Variants in PCNT observed in about 807,000 individuals in gnomAD.
PCNT encodes the protein kendrin.
In PCNT, 319 loss-of-function variants were observed where a neutral mutation model predicts 380.4. The ratio of observed to expected loss-of-function variants is 0.84; its 90% CI spans 0.77 to 0.92. The LOEUF is 0.92. Among genes scored for constraint, PCNT ranks in the 40% least tolerant of loss-of-function variants. PCNT has a pLI of 0.00. For synonymous variants in PCNT, 1,845 were observed against 1,735.2 expected, an observed-to-expected ratio of 1.06 and a Z score of -1.57; for missense variants, 4,400 against 4,255.3, an observed-to-expected ratio of 1.03 and a Z score of -0.95.
At chr21:46,369,643 A>G (rs1357855961) in intron 15 of PCNT, among the ~76,000 whole-genome samples, 1 of 152,280 alleles carries the variant, frequency 6.6e-6, no homozygotes, top group Non-Finnish European at 1.5e-5. Flanking sequence ...AGGAACTTGC[A>G]TATCACACAT....
In PCNT at chr21:46,388,812, C is replaced by T. The variant is rs766579247; in HGVS notation, c.3535C>T (p.Leu1179=). 24 of 1,613,442 alleles carry T rather than the reference C, an allele frequency of 1.5e-5. No homozygotes were observed. The highest frequency in any genetic ancestry group is 1.9e-5 in the Non-Finnish European group (22 of 1,179,980). ...FGETLRAAVT[L]RSRIGERVGL... ...AGAGACGCTGAGGGCAGCCGTCACC[C>T]TGAGGAGCCGGATCGGGGAGCGCGT... Residue 1179 remains leucine, a synonymous_variant, in exon 18 of 47, where the codon CTG becomes TTG. Transcript: ENST00000359568. This position sits in a 1 kb window ranked among gnomAD's most constrained non-coding sequence, Gnocchi z 4.2.
intron 16 of PCNT, among the ~76,000 whole-genome samples, chr21:46,383,961 C>T (rs1204327877): frequency 1.4e-5 from 2 of 145,994 alleles, no homozygotes; most frequent in Non-Finnish European, 3.0e-5. Flanking sequence ...GTTGTATATT[C>T]AGTGGCGGAA....
Position 46,432,081 on chromosome 21 carries a change from G to T in PCNT, c.8617G>T (p.Ala2873Ser). Residue 2873 changes from alanine to serine, a missense_variant, in exon 38 of 47, where the codon GCA becomes TCA. Coordinates refer to ENST00000359568, the MANE Select transcript of PCNT (RefSeq NM_006031.6). The part of the protein sequence containing the change: ...REREKPAWLQ[A>S]ELEQSHPRLK... The stretch of plus-strand genomic sequence containing the variant: ...GAGGGAGAAACCAGCGTGGTTGCAG[G>T]CAGAATTAGAGCAGTCACACCCACG... 1 of 1,614,098 alleles carries T rather than the reference G, an allele frequency of 6.2e-7. No individual in the cohort carries two copies. Among genetic ancestry groups the T allele is most frequent in the Non-Finnish European group, 8.5e-7 (1 of 1,180,044 alleles).
intron 26 of PCNT, among the ~76,000 whole-genome samples, chr21:46,402,057 T>A (rs1042574524): frequency 1.3e-5 from 2 of 152,150 alleles, no homozygotes; most frequent in Non-Finnish European, 2.9e-5. Flanking sequence ...TTTCACCATG[T>A]TGGCCAGGCT....
chr21:46,411,551 C>T lies in PCNT; in HGVS notation c.5478C>T (p.Gly1826=), dbSNP rs775332502. ...AGGCCCTGCAGCAGCGCCTCCAGGG[C>T]GCAGAGGAGGCTGCGGAGCTACAGC... is the stretch of plus-strand genomic sequence containing the variant. The part of the protein sequence containing the change: ...ALEALQQRLQ[G]AEEAAELQLA... Residue 1826 remains glycine (G), a synonymous_variant, in exon 28 of 47, where the codon GGC becomes GGT. Transcript: ENST00000359568. The T allele has an allele frequency of 3.5e-5, 57 of 1,612,060 alleles. No individual in the cohort carries two copies. Among genetic ancestry groups the T allele is most frequent in the Admixed American group, 2.2e-4 (13 of 59,846 alleles).
chr21:46,337,389 C>T (rs1373157653), intron 3 of PCNT, among the ~76,000 whole-genome samples: 1 of 152,206 alleles, frequency 6.6e-6, no homozygotes, highest in East Asian at 1.9e-4. Context: ...TGTTTGTTTA[C>T]AGCTCCTTTG....
chr21:46,391,706 A>C (rs760572128), intron 21 of PCNT, among the ~76,000 whole-genome samples: 11 of 152,230 alleles, frequency 7.2e-5, no homozygotes, highest in Non-Finnish European at 1.0e-4. Flanking sequence ...GCTACTTTAA[A>C]ATTTCATTTA....
rs573498475 is a variant in PCNT, at chr21:46,388,196, C to T, written c.3465-546C>T. On this transcript the variant is annotated intron_variant, in intron 17 of 46. Transcript: ENST00000359568. This position sits in a 1 kb window ranked among gnomAD's most constrained non-coding sequence, Gnocchi z 4.2. Reference sequence around the variant, plus strand: ...CTGCACTCCAGCCTGGGCGACAGAGCGAGACTCCATCTCAAAAAAAAAAAA... The same window carrying T: ...CTGCACTCCAGCCTGGGCGACAGAGTGAGACTCCATCTCAAAAAAAAAAAA... Among the ~76,000 whole-genome samples, 4 of 150,448 alleles carry T rather than the reference C, an allele frequency of 2.7e-5. No individual in the cohort carries two copies. The highest frequency in any genetic ancestry group is 7.3e-5 in the African/African-American group (3 of 40,888).
At chr21:46,372,871 G>A (rs918475541) in intron 15 of PCNT, among the ~76,000 whole-genome samples, 3 of 152,186 alleles carry the variant, frequency 2.0e-5, no homozygotes, top group Non-Finnish European at 4.4e-5. Flanking sequence ...GTCTTCTCTG[G>A]AAAAGTCAGA....
chr21:46,396,493 G>A (rs1041290758), intron 21 of PCNT, among the ~76,000 whole-genome samples: 3 of 152,244 alleles, frequency 2.0e-5, no homozygotes, highest in Admixed American at 2.0e-4. Context: ...TGGAGCCCTT[G>A]CGGCCTCGTC....
chr21:46,419,742 A>C (rs2087169504), intron 31 of PCNT, among the ~76,000 whole-genome samples: 1 of 151,910 alleles, frequency 6.6e-6, no homozygotes, highest in Non-Finnish European at 1.5e-5. Flanking sequence ...CCCCTCCTCA[A>C]CGGTCTCTTA....
intron 27 of PCNT, among the ~76,000 whole-genome samples, chr21:46,407,912 G>C (rs2086666951): frequency 6.6e-6 from 1 of 151,364 alleles, no homozygotes; most frequent in Non-Finnish European, 1.5e-5. Context: ...ATTTACCTTG[G>C]GTTTATTTTC....
intron 33 of PCNT, among the ~76,000 whole-genome samples, chr21:46,426,634 C>T (rs2087519227): frequency 1.3e-5 from 2 of 152,192 alleles, no homozygotes; most frequent in African/African-American, 4.8e-5. Context: ...CCCCTTGGGT[C>T]TCTCCTACCT....
At chr21:46,331,761 G>A (rs1471638063) in intron 2 of PCNT, among the ~76,000 whole-genome samples, 2 of 151,098 alleles carry the variant, frequency 1.3e-5, no homozygotes, top group Admixed American at 6.6e-5. Context: ...GCAAGGCCTT[G>A]TCTCAAAAAA....
Position 46,391,086 on chromosome 21 carries a change from C to T in PCNT, c.4004-78C>T. 2.9e-6 allele frequency: 4 copies of T among 1,385,172 alleles called. No individual in the cohort carries two copies. In the South Asian group the frequency reaches 5.0e-5, roughly 17 times the overall value. 85.8% of individuals were successfully genotyped at this position (1,385,172 alleles called of 1,614,324 possible). A position where few individuals can be genotyped will look rare whatever the true frequency, so the allele number is the denominator to read the frequency against. On this transcript the variant is annotated intron_variant, in intron 20 of 46. Transcript: ENST00000359568. Reference sequence around the variant, plus strand: ...TCTGCTGCTCTCAGGGGCAGTGGCCCCGTCCCTTCCTCCAAGCAGGCTCTC... The same window carrying T: ...TCTGCTGCTCTCAGGGGCAGTGGCCTCGTCCCTTCCTCCAAGCAGGCTCTC...
Position 46,402,407 on chromosome 21 carries a change from A to G in PCNT, c.5039A>G (p.Asn1680Ser). Reference protein sequence around the residue: ...ESKNEEILHLNLKLDMQNSQT... With the variant: ...ESKNEEILHLSLKLDMQNSQT... ...AAAAATGAAGAAATACTACATCTGA[A>G]CTTAAAATTGGACATGCAGAACAGC... Residue 1680 changes from asparagine (N) to serine (S), a missense_variant, in exon 27 of 47, where the codon AAC (asparagine) becomes AGC (serine). Coordinates refer to ENST00000359568, the MANE Select transcript of PCNT (RefSeq NM_006031.6). The G allele has an allele frequency of 6.2e-7, 1 of 1,613,562 alleles. No homozygotes were observed.
Position 46,428,443 on chromosome 21 carries a change from A to C in PCNT, c.7543A>C (p.Ser2515Arg). ...SLEHLRLPDR[S>R]SLLSEIQALR... ...GGAGCATCTTCGCTTGCCGGACCGGAGCAGCCTGCTGTCCGAGATCCAGGC... is the reference window on the plus strand; with the variant it reads ...GGAGCATCTTCGCTTGCCGGACCGGCGCAGCCTGCTGTCCGAGATCCAGGC... The change falls in exon 35 of 47, where the codon AGC becomes CGC. Residue 2515 changes from serine to arginine, a missense_variant. Transcript: ENST00000359568. 1 of 1,612,558 alleles carries C rather than the reference A, an allele frequency of 6.2e-7. No homozygotes were observed. The highest frequency in any genetic ancestry group is 8.5e-7 in the Non-Finnish European group (1 of 1,179,898).
At chr21:46,360,370 C>G (rs376502014) in intron 13 of PCNT, among the ~76,000 whole-genome samples, 2 of 133,870 alleles carry the variant, frequency 1.5e-5, no homozygotes, top group African/African-American at 5.8e-5. Flanking sequence ...ACTACAGGCG[C>G]CCGCCACCAC....
At position 46,438,237 on chromosome 21, in the gene PCNT, C is replaced by T. The variant is rs778401682; in HGVS notation, c.9173C>T (p.Ala3058Val). The T allele has an allele frequency of 1.1e-5, 18 of 1,613,942 alleles. No homozygotes were observed. The highest frequency in any genetic ancestry group is 1.3e-5 in the African/African-American group (1 of 74,924). The stretch of plus-strand genomic sequence containing the variant: ...AAAGACAATGTTTCCCTCACAAAAG[C>T]GCTCAGCACGGTGACCCAGGAGAAG... ...LLKDNVSLTK[A>V]LSTVTQEKLE... The change falls in exon 41 of 47, where the codon GCG becomes GTG. Residue 3058 changes from alanine (A) to valine (V), a missense_variant. Coordinates refer to ENST00000359568, the MANE Select transcript of PCNT (RefSeq NM_006031.6).
Sources: allele counts gnomAD v4.1 joint callset (sites outside exome capture counted in the v4.1 genomes callset), GRCh38; gene constraint gnomAD v4.1.1; non-coding constraint Gnocchi (gnomAD v3.1); transcripts MANE v1.5; gene names NCBI Gene and HGNC (gene_info 2026-07-23, HGNC 2026-07-21).